Variants in HIVEP3 observed in about 807,000 individuals in gnomAD.
The protein encoded by HIVEP3 is transcription factor HIVEP3.
HIVEP3 carries 49 observed loss-of-function variants against 152.8 expected under a neutral mutation model. The ratio of observed to expected loss-of-function variants is 0.32; its 90% CI spans 0.26 to 0.41. The LOEUF is 0.41. HIVEP3 is among the 10% of genes least tolerant of loss of function. The probability of loss-of-function intolerance (pLI) is 1.00; values close to 1 mark genes in which losing one functional copy is unlikely to be tolerated. For missense variants in HIVEP3, 2,790 were observed against 3,103.3 expected (o/e 0.90, Z 2.40); for synonymous variants, 1,269 against 1,289.0 (o/e 0.98, Z 0.33).
At chr1:41,989,823 C>T (rs1387133038) in intron 1 of HIVEP3, among the ~76,000 whole-genome samples, 12 of 148,418 alleles carry the variant, frequency 8.1e-5, no homozygotes, top group Admixed American at 2.7e-4. Context: ...TGTCTCTGCA[C>T]GTGAGATGGG....
chr1:41,855,631 C>T lies in HIVEP3; in HGVS notation c.-801+62782G>A, dbSNP rs527552704. ...TTCCCTAACTCTTGAAGTCAAAAAT[C>T]GATCTTTTCCTCCCCTATACACTAT... is the stretch of plus-strand genomic sequence containing the variant. On this transcript the variant is annotated intron_variant, in intron 1 of 8. Coordinates refer to ENST00000372583, the MANE Select transcript of HIVEP3 (RefSeq NM_024503.5). 3.9e-5 allele frequency among the ~76,000 whole-genome samples: 6 copies of T among 152,284 alleles called. No homozygotes were observed. In the East Asian group the frequency reaches 7.7e-4, roughly 20 times the overall value.
intron 1 of HIVEP3, among the ~76,000 whole-genome samples, chr1:41,709,989 C>T (rs1460727691): frequency 1.3e-5 from 2 of 152,118 alleles, no homozygotes; most frequent in Admixed American, 1.3e-4. Flanking sequence ...AACCCACTTC[C>T]ACCAGCAGCT....
chr1:41,938,508 C>G (rs75168816), intron 1 of HIVEP3, among the ~76,000 whole-genome samples: 2,442 of 152,176 alleles, frequency 0.016, 66 homozygotes, highest in African/African-American at 0.057. Flanking sequence ...TCAGTGTAAC[C>G]AAACCACTGA....
chr1:41,910,894 A>G (rs1335635879), intron 1 of HIVEP3, among the ~76,000 whole-genome samples: 1 of 152,110 alleles, frequency 6.6e-6, no homozygotes, highest in Non-Finnish European at 1.5e-5. Context: ...TTCTCAAGGG[A>G]AAACGTTGAA....
chr1:41,803,211 C>G (rs963408858), intron 1 of HIVEP3, among the ~76,000 whole-genome samples: 12 of 152,380 alleles, frequency 7.9e-5, no homozygotes, highest in Admixed American at 6.5e-5. Context: ...ATATGAGGCT[C>G]TGACAGTGGG....
intron 2 of HIVEP3, among the ~76,000 whole-genome samples, chr1:41,660,655 G>T (rs1404572826): frequency 6.6e-6 from 1 of 152,204 alleles, no homozygotes; most frequent in Non-Finnish European, 1.5e-5. Flanking sequence ...TCTATGGGTA[G>T]CCCCTGAAGC....
intron 5 of HIVEP3, among the ~76,000 whole-genome samples, chr1:41,549,449 A>G (rs1333105188): frequency 1.3e-5 from 2 of 152,158 alleles, no homozygotes; most frequent in African/African-American, 4.8e-5. Flanking sequence ...GAATTACCAC[A>G]CTCTCTTCCA....
At position 41,824,905 on chromosome 1, in the gene HIVEP3, C is replaced by T. The variant is rs540978260; in HGVS notation, c.-801+93508G>A. 3.3e-5 allele frequency among the ~76,000 whole-genome samples: 5 copies of T among 150,998 alleles called. No homozygotes were observed. In the South Asian group the frequency reaches 1.1e-3, roughly 32 times the overall value. On this transcript the variant is annotated intron_variant, in intron 1 of 8. Transcript: ENST00000372583. ...AGAGAGACAGAGAGATGGAGTTTTG[C>T]TCTTGTTGCACAGGCTGGAGGGCAA...
chr1:41,690,475 C>T (rs1198252602), intron 2 of HIVEP3, among the ~76,000 whole-genome samples: 9 of 152,358 alleles, frequency 5.9e-5, no homozygotes, highest in East Asian at 3.9e-4. Flanking sequence ...CCCGCTTCCA[C>T]GAGCCTGAAG....
chr1:41,919,827 G>A (rs543113900), upstream of HIVEP3, among the ~76,000 whole-genome samples: 1 of 152,308 alleles, frequency 6.6e-6, no homozygotes, highest in African/African-American at 2.4e-5. Flanking sequence ...AGAAACAAGA[G>A]TCCTAACCTT....
chr1:41,947,305 C>T (rs1239679781), intron 1 of HIVEP3, among the ~76,000 whole-genome samples: 2 of 152,222 alleles, frequency 1.3e-5, no homozygotes, highest in Non-Finnish European at 1.5e-5. Context: ...TTCCTCGCCA[C>T]CTGTGGCTAC....
intron 2 of HIVEP3, among the ~76,000 whole-genome samples, chr1:41,669,575 G>A (rs1645844147): frequency 6.6e-6 from 1 of 152,186 alleles, no homozygotes; most frequent in Non-Finnish European, 1.5e-5. Context: ...AAGGCTGAGT[G>A]GGAGGAAACT....
chr1:41,845,419 GCACACACACA>G lies in HIVEP3; in HGVS notation c.-801+72984_-801+72993del, dbSNP rs3032007. Among the ~76,000 whole-genome samples, 855 of 136,166 alleles carry G rather than the reference GCACACACACA, an allele frequency of 6.3e-3. 7 individuals are homozygous for G. The highest frequency in any genetic ancestry group is 0.019 in the African/African-American group (652 of 34,652). 89.3% of individuals were successfully genotyped at this position (136,166 alleles called of 152,430 possible). A position where few individuals can be genotyped will look rare whatever the true frequency, so the allele number is the denominator to read the frequency against. ...ACACCTCCTATACACACACACACAC[GCACACACACA>G]CACACACACACACACACACACACAC... On this transcript the variant is annotated intron_variant, in intron 1 of 8. Transcript: ENST00000372583.
chr1:42,021,325 C>T (rs1645552408), intron 1 of HIVEP3, among the ~76,000 whole-genome samples: 1 of 152,068 alleles, frequency 6.6e-6, no homozygotes, highest in Non-Finnish European at 1.5e-5. Context: ...AAGGTAGAAT[C>T]AACAAGACTT....
chr1:41,747,212 G>A lies in HIVEP3; in HGVS notation c.-800-46217C>T, dbSNP rs553647090. Among the ~76,000 whole-genome samples the A allele has an allele frequency of 6.6e-5, 10 of 152,340 alleles. No individual in the cohort carries two copies. In the South Asian group the frequency reaches 1.9e-3, roughly 28 times the overall value. On this transcript the variant is annotated intron_variant, in intron 1 of 8. Transcript: ENST00000372583. ...GCAGACCTCAGGGCTAGGAAGAAGGGCAGTGAGGGTGAGGGGTGGTACGCT... is the reference window on the plus strand; with the variant it reads ...GCAGACCTCAGGGCTAGGAAGAAGGACAGTGAGGGTGAGGGGTGGTACGCT...
At chr1:41,920,755 C>T (rs963023506), upstream of HIVEP3, among the ~76,000 whole-genome samples, 10 of 152,202 alleles carry the variant, frequency 6.6e-5, no homozygotes, top group East Asian at 3.9e-4. Context: ...GAAAATGAGG[C>T]TTTGTAACTT....
At chr1:41,911,762 C>T (rs552460526) in intron 1 of HIVEP3, among the ~76,000 whole-genome samples, 7 of 152,252 alleles carry the variant, frequency 4.6e-5, no homozygotes, top group South Asian at 2.1e-4. Context: ...GAATCCAGGA[C>T]GAAACATTTA....
intron 5 of HIVEP3, among the ~76,000 whole-genome samples, chr1:41,556,898 C>A (rs1643974723): frequency 6.6e-6 from 1 of 152,228 alleles, no homozygotes; most frequent in Non-Finnish European, 1.5e-5. Context: ...TTTCTTTCCC[C>A]ATTGAATAGC....
At chr1:41,652,768 C>T (rs114721897) in intron 2 of HIVEP3, among the ~76,000 whole-genome samples, 189 of 152,300 alleles carry the variant, frequency 1.2e-3, no homozygotes, top group African/African-American at 4.3e-3. Context: ...GTGCTGGCAA[C>T]TCTATGTGTG....
Sources: gnomAD v4.1 joint callset for allele counts (sites outside exome capture counted in the v4.1 genomes callset) on GRCh38, gnomAD v4.1.1 for gene constraint, MANE v1.5 for transcripts, NCBI Gene and HGNC (gene_info 2026-07-23, HGNC 2026-07-21) for gene names.